Variants in BANK1 observed in about 807,000 individuals in gnomAD.
BANK1 encodes B cell scaffold protein with ankyrin repeats 1.
Under a neutral mutation model 94.5 loss-of-function variants are expected in BANK1, and 95 were observed. The observed-to-expected ratio is 1.00, with a 90% confidence interval of 0.85 to 1.19. The LOEUF (loss-of-function observed/expected upper bound fraction) is 1.19. Among genes scored for constraint, BANK1 ranks in the 50% most tolerant of loss-of-function variants. The pLI is 0.00. For missense variants in BANK1, 987 were observed against 932.2 expected (o/e 1.06, Z -0.77); for synonymous variants, 334 against 308.4 (o/e 1.08, Z -0.87).
chr4:101,997,876 A>T (rs573417545), intron 7 of BANK1, among the ~76,000 whole-genome samples: 62 of 152,080 alleles, frequency 4.1e-4, no homozygotes, highest in Middle Eastern at 3.4e-3. Flanking sequence ...CAGCTCCTGG[A>T]TTCATTGATT....
intron 9 of BANK1, among the ~76,000 whole-genome samples, chr4:102,027,772 T>C (rs1388846529): frequency 1.3e-5 from 2 of 152,046 alleles, no homozygotes; most frequent in Non-Finnish European, 2.9e-5. Flanking sequence ...TATAATACTA[T>C]AGAGCACTTT....
chr4:101,855,259 T>C, intron 3 of BANK1, 70 bp downstream of exon 3: 2 of 1,479,858 alleles, frequency 1.4e-6, no homozygotes, highest in Non-Finnish European at 1.8e-6. Flanking sequence ...TGTTGTTGTT[T>C]GGAGAGACAG....
chr4:101,886,329 G>C (rs954088271), intron 5 of BANK1, among the ~76,000 whole-genome samples: 2 of 152,120 alleles, frequency 1.3e-5, no homozygotes, highest in Non-Finnish European at 1.5e-5. Flanking sequence ...GGCTGAAGCA[G>C]AAACAGCAAG....
At chr4:102,009,843 C>T (rs1726425875) in intron 7 of BANK1, among the ~76,000 whole-genome samples, 1 of 152,038 alleles carries the variant, frequency 6.6e-6, no homozygotes, top group South Asian at 2.1e-4. Context: ...ATAAATTATA[C>T]ATATGGATGT....
chr4:101,903,509 C>A (rs1354732712), intron 6 of BANK1, among the ~76,000 whole-genome samples: 1 of 152,154 alleles, frequency 6.6e-6, no homozygotes, highest in Non-Finnish European at 1.5e-5. Context: ...GACAATAACA[C>A]CAGTAGGTGA....
chr4:102,071,339 T>G, intron 14 of BANK1, 35 bp downstream of exon 14: 1 of 1,591,704 alleles, frequency 6.3e-7, no homozygotes, highest in Non-Finnish European at 8.6e-7. Flanking sequence ...GATCTAAGAC[T>G]AAAACAAAGT....
chr4:101,949,117 T>C (rs1483504043), intron 7 of BANK1, among the ~76,000 whole-genome samples: 2 of 152,000 alleles, frequency 1.3e-5, no homozygotes, highest in Non-Finnish European at 2.9e-5. Flanking sequence ...GGATCTGGCT[T>C]GTTTAGGATG....
chr4:102,042,145 C>T (rs79495858), intron 10 of BANK1, among the ~76,000 whole-genome samples: 4,242 of 152,006 alleles, frequency 0.028, 71 homozygotes, highest in Non-Finnish European at 0.038. Context: ...GCATAGAGAC[C>T]ACGTTATTAA....
chr4:101,909,576 T>G, intron 6 of BANK1, among the ~76,000 whole-genome samples: 1 of 152,186 alleles, frequency 6.6e-6, no homozygotes, highest in South Asian at 2.1e-4. Context: ...TTAAGCGGTT[T>G]TCTCCCCTGG....
chr4:101,982,776 C>T (rs1725363600), intron 7 of BANK1, among the ~76,000 whole-genome samples: 2 of 151,850 alleles, frequency 1.3e-5, no homozygotes, highest in Non-Finnish European at 1.5e-5. Context: ...CAAATATATT[C>T]AATGAATATA....
At chr4:101,830,900 C>T (rs1469859912) in intron 2 of BANK1, among the ~76,000 whole-genome samples, 1 of 152,072 alleles carries the variant, frequency 6.6e-6, no homozygotes, top group Non-Finnish European at 1.5e-5. Flanking sequence ...CTTGGCCACA[C>T]CAGATTAAAA....
At chr4:101,799,087 G>A (rs1398649591) in intron 1 of BANK1, among the ~76,000 whole-genome samples, 4 of 152,048 alleles carry the variant, frequency 2.6e-5, no homozygotes, top group African/African-American at 7.2e-5. Context: ...AGGTTTTTAC[G>A]GTTTTAGGTC....
At chr4:102,073,844 G>T in intron 16 of BANK1, 96 bp downstream of exon 16, 2 of 908,432 alleles carry the variant, frequency 2.2e-6, no homozygotes, top group South Asian at 1.6e-5. Context: ...ATTTTTTAAA[G>T]ATTTCATTGT....
intron 2 of BANK1, among the ~76,000 whole-genome samples, chr4:101,834,807 G>A (rs1177925159): frequency 3.3e-5 from 5 of 151,964 alleles, no homozygotes; most frequent in African/African-American, 9.7e-5. Flanking sequence ...GGAAAGTCAT[G>A]GAAATAATTA....
intron 13 of BANK1, among the ~76,000 whole-genome samples, chr4:102,068,272 T>C (rs1728652630): frequency 6.6e-6 from 1 of 151,888 alleles, no homozygotes; most frequent in African/African-American, 2.4e-5. Flanking sequence ...GTTTCCACTT[T>C]AGAAAAATAG....
chr4:101,871,408 G>T (rs567992659), intron 5 of BANK1, among the ~76,000 whole-genome samples: 1 of 151,988 alleles, frequency 6.6e-6, no homozygotes, highest in African/African-American at 2.4e-5. Flanking sequence ...ATAAAAACCT[G>T]TAAGGTTTTT....
At chr4:101,967,603 C>CT (rs1045561164) in intron 7 of BANK1, among the ~76,000 whole-genome samples, 5 of 151,734 alleles carry the variant, frequency 3.3e-5, no homozygotes, top group Admixed American at 6.6e-5. Context: ...AACTTTGTCG[C>CT]TTTTTTTTAC....
chr4:101,910,071 C>T (rs142074392), intron 6 of BANK1, among the ~76,000 whole-genome samples: 2,083 of 152,168 alleles, frequency 0.014, 40 homozygotes, highest in Middle Eastern at 0.02. Flanking sequence ...GAACCAAGCC[C>T]CTGTTCTTTC....
chr4:101,895,975 T>C (rs1432430984), intron 6 of BANK1, among the ~76,000 whole-genome samples: 1 of 151,886 alleles, frequency 6.6e-6, no homozygotes, highest in Non-Finnish European at 1.5e-5. Flanking sequence ...TCTGGACAGA[T>C]AAGTTTATAT....
Sources: gnomAD v4.1 joint callset for allele counts (sites outside exome capture counted in the v4.1 genomes callset) on GRCh38, gnomAD v4.1.1 for gene constraint, MANE v1.5 for transcripts, NCBI Gene and HGNC (gene_info 2026-07-23, HGNC 2026-07-21) for gene names.